Variants in PLEKHH2 observed in about 807,000 individuals in gnomAD.
The protein encoded by PLEKHH2 is pleckstrin homology, MyTH4 and FERM domain containing H2.
Under a neutral mutation model 187.9 loss-of-function variants are expected in PLEKHH2, and 129 were observed. The observed-to-expected ratio is 0.69, with a 90% CI of 0.59 to 0.79. The LOEUF (loss-of-function observed/expected upper bound fraction) is 0.79, where lower values mean the gene tolerates loss of function less well. PLEKHH2 is among the 30% of genes least tolerant of loss of function. PLEKHH2 has a pLI of 0.00. For missense variants in PLEKHH2, 2,076 were observed against 1,751.2 expected (o/e 1.19, Z -3.31); for synonymous variants, 686 against 605.6 (o/e 1.13, Z -1.95).
chr2:43,681,719 T>C, intron 3 of PLEKHH2: 1 of 512,478 alleles, frequency 2.0e-6, no homozygotes, highest in Non-Finnish European at 3.4e-6. Context: ...GCAAGGGAGC[T>C]CCCTGATGCC....
chr2:43,712,049 A>C (rs1185228163), intron 14 of PLEKHH2, 176 bp from the exon 15 acceptor site: 5 of 1,284,412 alleles, frequency 3.9e-6, no homozygotes, highest in Non-Finnish European at 5.1e-6. Flanking sequence ...TGTAATTCTC[A>C]CAAAGTGGTT....
chr2:43,666,873 C>T (rs957209708), intron 2 of PLEKHH2, among the ~76,000 whole-genome samples: 12 of 152,008 alleles, frequency 7.9e-5, no homozygotes, highest in African/African-American at 2.7e-4. Flanking sequence ...ATGTGTTTTG[C>T]ACTAATTTTT....
intron 2 of PLEKHH2, among the ~76,000 whole-genome samples, chr2:43,676,545 C>A (rs934449591): frequency 6.6e-6 from 1 of 151,914 alleles, no homozygotes; most frequent in Non-Finnish European, 1.5e-5. Flanking sequence ...ACCAGGAGTT[C>A]TGCACGCCTG....
At chr2:43,742,959 T>C (rs1454057482) in intron 22 of PLEKHH2, 41 bp downstream of exon 22, 3 of 1,409,012 alleles carry the variant, frequency 2.1e-6, no homozygotes, top group Admixed American at 5.3e-5. Flanking sequence ...AACAATCCTA[T>C]GTACAACCTC....
Position 43,697,418 on chromosome 2 carries a change from G to C in PLEKHH2, c.688+62G>C, listed in dbSNP as rs531973741. 4.4e-6 allele frequency: 6 copies of C among 1,368,398 alleles called. No individual in the cohort carries two copies. The East Asian group carries it at 9.5e-5, about 22-fold the overall frequency. 84.8% of individuals were successfully genotyped at this position (1,368,398 alleles called of 1,614,324 possible). A position where few individuals can be genotyped will look rare whatever the true frequency, so the allele number is the denominator to read the frequency against. Reference sequence around the variant, plus strand: ...TTAAAAAGGAAGACTCATTTGCTAAGATTAATCCAAATATAGCTTAATTTT... The same window carrying C: ...TTAAAAAGGAAGACTCATTTGCTAACATTAATCCAAATATAGCTTAATTTT... On this transcript the variant is annotated intron_variant, in intron 7 of 29. Transcript: ENST00000282406.
At chr2:43,725,314 C>T (rs1227142789) in intron 16 of PLEKHH2, among the ~76,000 whole-genome samples, 2 of 152,162 alleles carry the variant, frequency 1.3e-5, no homozygotes, top group East Asian at 3.8e-4. Context: ...CTGCTTTTAG[C>T]TTCTCTATCT....
At chr2:43,748,955 C>T (rs1011368903) in intron 24 of PLEKHH2, among the ~76,000 whole-genome samples, 1 of 152,160 alleles carries the variant, frequency 6.6e-6, no homozygotes, top group African/African-American at 2.4e-5. Context: ...CTGGTTTTCA[C>T]CATGTTGGCC....
At chr2:43,737,400 T>C (rs533487271) in intron 19 of PLEKHH2, among the ~76,000 whole-genome samples, 1 of 152,340 alleles carries the variant, frequency 6.6e-6, no homozygotes, top group African/African-American at 2.4e-5. Flanking sequence ...CATTTCTGTG[T>C]ATCTGTTGTC....
intron 20 of PLEKHH2, 142 bp downstream of exon 20, chr2:43,738,662 C>A (rs1671416010): frequency 1.3e-6 from 1 of 779,068 alleles, no homozygotes; most frequent in Non-Finnish European, 1.9e-6. Flanking sequence ...TTGATGTCTA[C>A]CTTTTTGGTT....
At chr2:43,726,977 G>A (rs1311126509) in intron 17 of PLEKHH2, among the ~76,000 whole-genome samples, 1 of 152,050 alleles carries the variant, frequency 6.6e-6, no homozygotes, top group Admixed American at 6.5e-5. Context: ...CATACAGATA[G>A]CAAAATAATT....
chr2:43,762,106 C>G (rs1279502434), intron 27 of PLEKHH2, among the ~76,000 whole-genome samples, 198 bp from the exon 28 acceptor site: 1 of 152,190 alleles, frequency 6.6e-6, no homozygotes, highest in Non-Finnish European at 1.5e-5. Flanking sequence ...GTTTGGGTCT[C>G]AAAGCTAGGT....
intron 3 of PLEKHH2, among the ~76,000 whole-genome samples, chr2:43,691,715 C>G (rs1668805900): frequency 6.6e-6 from 1 of 152,168 alleles, no homozygotes; most frequent in Admixed American, 6.5e-5. Context: ...TATTTGTGAT[C>G]TCTCTTACCC....
At chr2:43,715,811 C>A (rs1258347381) in intron 15 of PLEKHH2, among the ~76,000 whole-genome samples, 2 of 152,058 alleles carry the variant, frequency 1.3e-5, no homozygotes, top group Non-Finnish European at 2.9e-5. Flanking sequence ...AGGCAGCAGA[C>A]CACCAGTCTA....
intron 3 of PLEKHH2, among the ~76,000 whole-genome samples, chr2:43,682,537 C>G (rs1183586697): frequency 6.6e-6 from 1 of 152,056 alleles, no homozygotes; most frequent in Non-Finnish European, 1.5e-5. Flanking sequence ...GAACTCCTGA[C>G]CTTGTGATTT....
chr2:43,709,656 T>C (rs1332477681), intron 11 of PLEKHH2, among the ~76,000 whole-genome samples: 1 of 152,126 alleles, frequency 6.6e-6, no homozygotes, highest in African/African-American at 2.4e-5. Context: ...GCCAACATGA[T>C]GAAACCCCAT....
At position 43,766,074 on chromosome 2, in the gene PLEKHH2, T is replaced by C. The variant is rs1216954855; in HGVS notation, c.*476T>C. 2 of 154,108 alleles carry C rather than the reference T, an allele frequency of 1.3e-5. No homozygotes were observed. Among genetic ancestry groups the C allele is most frequent in the Admixed American group, 6.4e-5 (1 of 15,592 alleles). The allele number at this position is 154,108 out of a possible 1,614,324, so 9.5% of individuals were successfully genotyped here. A position where few individuals can be genotyped will look rare whatever the true frequency, so the allele number is the denominator to read the frequency against. Reference sequence around the variant, plus strand: ...ATAGTGTTTGGAAAGGAGTAGAACATGCAGCATAAGAAACTGCTGCAGAGT... The same window carrying C: ...ATAGTGTTTGGAAAGGAGTAGAACACGCAGCATAAGAAACTGCTGCAGAGT... On this transcript the variant is annotated 3_prime_UTR_variant, in exon 30 of 30. Coordinates refer to ENST00000282406, the MANE Select transcript of PLEKHH2 (RefSeq NM_172069.4).
At position 43,711,236 on chromosome 2, in the gene PLEKHH2, G is replaced by A; in HGVS notation, c.2301+661G>A. On this transcript the variant is annotated intron_variant, in intron 14 of 29. Coordinates refer to ENST00000282406, the MANE Select transcript of PLEKHH2 (RefSeq NM_172069.4). ...TTTTCTTATATTGCTCCTTTGGAGG[G>A]TGGAGGACAACTTTGCCAGAAAGGT... 5.1e-6 allele frequency: 5 copies of A among 985,446 alleles called. No individual in the cohort carries two copies. The South Asian group carries it at 2.4e-4, about 46-fold the overall frequency. The allele number at this position is 985,446 out of a possible 1,614,324, so 61.0% of individuals were successfully genotyped here.
At chr2:43,757,665 GTC>G (rs1156458482) in intron 26 of PLEKHH2, among the ~76,000 whole-genome samples, 1 of 151,994 alleles carries the variant, frequency 6.6e-6, no homozygotes, top group Non-Finnish European at 1.5e-5. Flanking sequence ...TGAACTGCCT[GTC>G]TCAGCCTCCC....
intron 16 of PLEKHH2, among the ~76,000 whole-genome samples, chr2:43,724,526 A>G (rs532185945): frequency 2.0e-5 from 3 of 152,334 alleles, no homozygotes; most frequent in African/African-American, 7.2e-5. Flanking sequence ...GGTTTTGTCA[A>G]TAAAAGCTTA....
Sources: allele counts gnomAD v4.1 joint callset (sites outside exome capture counted in the v4.1 genomes callset), GRCh38; gene constraint gnomAD v4.1.1; transcripts MANE v1.5; gene names NCBI Gene and HGNC (gene_info 2026-07-23, HGNC 2026-07-21).